KALRN: variants seen among roughly 807,000 people sequenced by gnomAD.
The protein encoded by KALRN is kalirin.
A neutral mutation model predicts 353.7 loss-of-function variants in KALRN; 70 were observed. That is an observed-to-expected ratio of 0.20 (90% CI 0.16 to 0.24). The LOEUF (loss-of-function observed/expected upper bound fraction) is 0.24, where lower values mean the gene tolerates loss of function less well. KALRN is among the 10% of genes least tolerant of loss of function. KALRN has a pLI of 1.00. For synonymous variants in KALRN, 1,391 were observed against 1,434.8 expected, an observed-to-expected ratio of 0.97 and a Z score of 0.69; for missense variants, 2,791 against 3,756.7, an observed-to-expected ratio of 0.74 and a Z score of 6.72.
chr3:124,156,575 T>C (rs1289264975), intron 1 of KALRN, among the ~76,000 whole-genome samples: 2 of 152,190 alleles, frequency 1.3e-5, no homozygotes, highest in African/African-American at 2.4e-5. Flanking sequence ...AGTGAATCCA[T>C]GTCCTATTAA....
At chr3:124,717,820 T>C (rs537122191) in intron 59 of KALRN, among the ~76,000 whole-genome samples, 2 of 152,140 alleles carry the variant, frequency 1.3e-5, no homozygotes, top group Non-Finnish European at 2.9e-5. Flanking sequence ...ATTATAACTT[T>C]TTTTTATTTG....
chr3:124,048,952 ATCTTGTT>A (rs2040777875), intron 1 of KALRN, among the ~76,000 whole-genome samples: 1 of 151,962 alleles, frequency 6.6e-6, no homozygotes, highest in South Asian at 2.1e-4. Flanking sequence ...CATTTTTTTG[ATCTTGTT>A]CAAAGGTGAC....
intron 34 of KALRN, among the ~76,000 whole-genome samples, chr3:124,600,499 T>C (rs1561388278): frequency 6.6e-6 from 1 of 152,244 alleles, no homozygotes. Flanking sequence ...GGTTGTGGAA[T>C]GGCTTTGCCA....
At chr3:124,112,899 A>C (rs879940546) in intron 1 of KALRN, among the ~76,000 whole-genome samples, 1 of 152,116 alleles carries the variant, frequency 6.6e-6, no homozygotes, top group Non-Finnish European at 1.5e-5. Flanking sequence ...GTACTTGTAG[A>C]TATACTTTCA....
chr3:124,571,984 C>A (rs2073562395), intron 34 of KALRN, among the ~76,000 whole-genome samples: 1 of 151,712 alleles, frequency 6.6e-6, no homozygotes, highest in African/African-American at 2.4e-5. Context: ...ATTTTGAGGT[C>A]CAATTTTTTA....
chr3:124,477,636 A>G (rs1355420772), intron 27 of KALRN, among the ~76,000 whole-genome samples: 1 of 152,200 alleles, frequency 6.6e-6, no homozygotes, highest in Admixed American at 6.5e-5. Flanking sequence ...GTTGATTAAT[A>G]TATTTCACTT....
intron 18 of KALRN, among the ~76,000 whole-genome samples, chr3:124,441,524 C>T (rs1354036019): frequency 1.3e-5 from 2 of 152,138 alleles, no homozygotes; most frequent in Admixed American, 6.5e-5. Flanking sequence ...TCTTGAGCCT[C>T]CTAAAAAGTA....
intron 47 of KALRN, among the ~76,000 whole-genome samples, chr3:124,669,828 T>A (rs1027239163): frequency 2.6e-5 from 4 of 152,208 alleles, no homozygotes; most frequent in Admixed American, 6.5e-5. Flanking sequence ...ATCTCTAGAT[T>A]GTTTATAATA....
intron 34 of KALRN, among the ~76,000 whole-genome samples, chr3:124,614,854 G>A (rs1387124543): frequency 6.6e-6 from 1 of 152,208 alleles, no homozygotes; most frequent in African/African-American, 2.4e-5. Flanking sequence ...TTACTGGCAT[G>A]AGCCATCACA....
intron 33 of KALRN, among the ~76,000 whole-genome samples, chr3:124,509,323 C>G (rs2065606764): frequency 6.6e-6 from 1 of 152,214 alleles, no homozygotes; most frequent in African/African-American, 2.4e-5. Flanking sequence ...ATTCTGCTGC[C>G]TCAGCCCCCA....
chr3:124,466,034 CTGTGTG>C (rs10639598), intron 25 of KALRN, among the ~76,000 whole-genome samples: 30,400 of 147,276 alleles, frequency 0.21, 3,371 homozygotes, highest in Non-Finnish European at 0.26. Context: ...CTCTCTTGCT[CTGTGTG>C]TGTGTGTGTG....
intron 1 of KALRN, among the ~76,000 whole-genome samples, chr3:124,141,464 C>G (rs2066620207): frequency 6.6e-6 from 1 of 152,090 alleles, no homozygotes; most frequent in Non-Finnish European, 1.5e-5. Flanking sequence ...ATGCCCTTAC[C>G]TCTCTCATCC....
chr3:124,046,001 A>G (rs1030632281), intron 1 of KALRN, among the ~76,000 whole-genome samples: 11 of 152,234 alleles, frequency 7.2e-5, no homozygotes, highest in Admixed American at 5.9e-4. Context: ...ATGGTAATCA[A>G]AAGGACATTT....
At chr3:124,195,184 GC>G (rs2150345632) in intron 1 of KALRN, among the ~76,000 whole-genome samples, 1 of 152,236 alleles carries the variant, frequency 6.6e-6, no homozygotes, top group South Asian at 2.1e-4. Context: ...TTTTACTATA[GC>G]CCCTCATTAA....
At chr3:124,141,306 C>T (rs951769449) in intron 1 of KALRN, among the ~76,000 whole-genome samples, 2 of 152,190 alleles carry the variant, frequency 1.3e-5, no homozygotes, top group Admixed American at 6.5e-5. Context: ...AGATTAGAAT[C>T]CTCACTCTGT....
In KALRN at chr3:124,234,851, A is replaced by G. The variant is rs1354423312; in HGVS notation, c.171A>G (p.Gly57=). 6.2e-7 allele frequency: 1 copy of G among 1,605,670 alleles called. No homozygotes were observed. ...FVSGGRDKRG[G]PILTFPARSN... is the part of the protein sequence containing the mutation. ...CAGGGGGTCGTGATAAGCGAGGCGG[A>G]CCCATCCTGACCTTCCCTGCTCGCA... The change falls in exon 3 of 60, where the codon GGA becomes GGG. Residue 57 remains glycine, a synonymous_variant. Coordinates refer to ENST00000682506, the MANE Select transcript of KALRN (RefSeq NM_001388419.1).
chr3:124,642,806 G>GTTTTTTTTTTGTTGTTGTTTTTTTTT lies in KALRN; in HGVS notation c.5664+5513_5664+5514insGTTGTTGTTTTTTTTTTTTTTTTTTT, dbSNP rs1553707031. ...TCTGTGGAAGAGATTCCCAAGCCTC[G>GTTTTTTTTTTGTTGTTGTTTTTTTTT]TTTTTTTTTTTTTTTTTTTTGAGAC... is the stretch of plus-strand genomic sequence containing the variant. On this transcript the variant is annotated intron_variant, in intron 37 of 59. Coordinates refer to ENST00000682506, the MANE Select transcript of KALRN (RefSeq NM_001388419.1). Among the ~76,000 whole-genome samples, 338 of 96,802 alleles carry GTTTTTTTTTTGTTGTTGTTTTTTTTT rather than the reference G, an allele frequency of 3.5e-3. 14 individuals carry two copies. Among genetic ancestry groups the GTTTTTTTTTTGTTGTTGTTTTTTTTT allele is most frequent in the Middle Eastern group, 0.012 (2 of 162 alleles). The allele number at this position is 96,802 out of a possible 152,430, so 63.5% of individuals were successfully genotyped here. A position where few individuals can be genotyped will look rare whatever the true frequency, so the allele number is the denominator to read the frequency against.
rs528811314 is a variant in KALRN at position 124,513,938 on chromosome 3, A to G, written c.4935+17525A>G. On this transcript the variant is annotated intron_variant, in intron 33 of 59. Transcript: ENST00000682506. Reference sequence around the variant, plus strand: ...TGGGAAGAAGAGCCCTGGGGTCAACATGAGCAGCAAACACAAACATCTAGA... The same window carrying G: ...TGGGAAGAAGAGCCCTGGGGTCAACGTGAGCAGCAAACACAAACATCTAGA... Among the ~76,000 whole-genome samples the G allele has an allele frequency of 1.3e-4, 20 of 152,306 alleles. No homozygotes were observed. The East Asian group carries it at 3.9e-3, about 29-fold the overall frequency.
chr3:124,566,374 G>T (rs1464531029), intron 34 of KALRN, among the ~76,000 whole-genome samples: 1 of 152,044 alleles, frequency 6.6e-6, no homozygotes, highest in East Asian at 1.9e-4. Context: ...GGGGTGGTGT[G>T]CACCTATATA....
Sources: allele counts gnomAD v4.1 joint callset (sites outside exome capture counted in the v4.1 genomes callset), GRCh38; gene constraint gnomAD v4.1.1; transcripts MANE v1.5; gene names NCBI Gene and HGNC (gene_info 2026-07-23, HGNC 2026-07-21).